The following MTBP variants were observed in gnomAD, a reference collection of about 807,000 sequenced individuals.
MTBP encodes mdm2-binding protein.
MTBP carries 101 observed loss-of-function variants against 117.0 expected under a neutral mutation model. The ratio of observed to expected loss-of-function variants is 0.86; its 90% CI spans 0.73 to 1.02. The LOEUF (loss-of-function observed/expected upper bound fraction) is 1.02. Ranked by LOEUF, MTBP falls within the 50% of genes least tolerant of loss-of-function variation. The pLI, the probability that MTBP is intolerant of heterozygous loss-of-function variation, is 0.00. For missense variants in MTBP, 970 were observed against 1,030.9 expected, an observed-to-expected ratio of 0.94 and a Z score of 0.81; for synonymous variants, 350 against 351.5, an observed-to-expected ratio of 1.00 and a Z score of 0.05.
chr8:120,481,807 TG>T (rs1362642517), intron 11 of MTBP, among the ~76,000 whole-genome samples: 1 of 152,216 alleles, frequency 6.6e-6, no homozygotes, highest in Non-Finnish European at 1.5e-5. Context: ...TAAAGGTTTT[TG>T]TTTTTTATAA....
At chr8:120,519,112 C>G (rs952022383) in intron 20 of MTBP, among the ~76,000 whole-genome samples, 2 of 151,026 alleles carry the variant, frequency 1.3e-5, no homozygotes, top group African/African-American at 4.9e-5. Context: ...ACAGTTGGCC[C>G]TCCATATCTG....
chr8:120,470,757 C>A, intron 10 of MTBP, 63 bp from the exon 11 acceptor site: 1 of 1,181,010 alleles, frequency 8.5e-7, no homozygotes, highest in Non-Finnish European at 1.2e-6. Flanking sequence ...AAATTGTCAA[C>A]TGGCACTATT....
rs1814951096 is a variant in MTBP at position 120,518,029 on chromosome 8, G to A, written c.2425G>A (p.Gly809Ser). ...AAAACTTGCTACAAAGACCAGTTCA[G>A]GTCAAAAAAGTATGCATGAATCAAA... is the stretch of plus-strand genomic sequence containing the variant. ...TPKLATKTSS[G>S]QKSMHESKTS... The change falls in exon 19 of 22, where the codon GGT (glycine) becomes AGT (serine). Residue 809 changes from glycine to serine, a missense_variant. By Grantham distance (56) the Gly-to-Ser change is moderately conservative. Transcript: ENST00000305949. The A allele has an allele frequency of 1.2e-6, 2 of 1,612,596 alleles. No individual in the cohort carries two copies. The highest frequency in any genetic ancestry group is 1.7e-6 in the Non-Finnish European group (2 of 1,179,086).
In MTBP at chr8:120,470,915, T is replaced by C. The variant is rs779707087; in HGVS notation, c.1143T>C (p.Ala381=). The change falls in exon 11 of 22, where the codon GCT becomes GCC. Residue 381 remains alanine, a synonymous_variant. Transcript: ENST00000305949. ...CAAGAAAATGGAAGGAATATATAGC[T>C]AAAAAGCCTAAAACAATCAGTGGTA... ...LSSRKWKEYI[A]KKPKTISVPD... is the part of the protein sequence containing the mutation. 1 of 1,600,716 alleles carries C rather than the reference T, an allele frequency of 6.2e-7. No individual in the cohort carries two copies. Among genetic ancestry groups the C allele is most frequent in the Non-Finnish European group, 8.6e-7 (1 of 1,168,682 alleles).
Position 120,518,063 on chromosome 8 carries a change from G to A in MTBP, c.2459G>A (p.Arg820Lys), listed in dbSNP as rs746003814. 3 of 1,612,362 alleles carry A rather than the reference G, an allele frequency of 1.9e-6. No individual in the cohort carries two copies. The highest frequency in any genetic ancestry group is 2.2e-5 in the East Asian group (1 of 44,822). Residue 820 changes from arginine to lysine, a missense_variant, in exon 19 of 22, where the codon AGG becomes AAG. Physicochemically the swap from Arg to Lys is conservative, Grantham distance 26. Transcript: ENST00000305949. ...AGTATGCATGAATCAAAAACATCAA[G>A]GCAAATTAAGGAATCAAGATCACAG... The part of the protein sequence containing the change: ...QKSMHESKTS[R>K]QIKESRSQKH...
At chr8:120,475,395 G>A (rs1474289299) in intron 11 of MTBP, among the ~76,000 whole-genome samples, 2 of 151,862 alleles carry the variant, frequency 1.3e-5, no homozygotes, top group African/African-American at 4.8e-5. Context: ...CTGTTCTCCA[G>A]ACAGATAAAG....
rs539004736 is a variant in MTBP at position 120,509,606 on chromosome 8, G to GC, written c.1884-321dup. Reference sequence around the variant, plus strand: ...GACAGAGTGAGACTCCGTCCCCACCGCCCCCCCAAAAAAAGAAAGAAATAA... The same window carrying GC: ...GACAGAGTGAGACTCCGTCCCCACCGCCCCCCCCAAAAAAAGAAAGAAATAA... On this transcript the variant is annotated intron_variant, in intron 16 of 21. Transcript: ENST00000305949. Among the ~76,000 whole-genome samples, 417 of 151,472 alleles carry GC rather than the reference G, an allele frequency of 2.8e-3. 2 individuals are homozygous for GC. The highest frequency in any genetic ancestry group is 4.2e-3 in the South Asian group (20 of 4,788).
At chr8:120,490,439 C>T (rs1461523425) in intron 12 of MTBP, 24 bp from the exon 13 acceptor site, 3 of 1,452,756 alleles carry the variant, frequency 2.1e-6, no homozygotes, top group Non-Finnish European at 2.9e-6. Context: ...TTAATGTTGA[C>T]CTTTTTTTTT....
At chr8:120,458,847 C>CAAA (rs5894523) in intron 7 of MTBP, among the ~76,000 whole-genome samples, 2 of 112,016 alleles carry the variant, frequency 1.8e-5, no homozygotes, top group African/African-American at 7.8e-5. Context: ...ATCTCAAAGC[C>CAAA]AAAAAAAAAA....
chr8:120,515,831 C>G (rs1018054432), intron 17 of MTBP, 94 bp from the exon 18 acceptor site: 1 of 1,180,402 alleles, frequency 8.5e-7, no homozygotes, highest in African/African-American at 1.5e-5. Flanking sequence ...AACAAGAACT[C>G]TTAAAGTAAA....
At chr8:120,466,413 G>T (rs1217742267) in intron 10 of MTBP, among the ~76,000 whole-genome samples, 1 of 150,882 alleles carries the variant, frequency 6.6e-6, no homozygotes, top group Non-Finnish European at 1.5e-5. Flanking sequence ...ACAGGGTTTC[G>T]TCATGTTGGC....
rs1369657531 is a variant in MTBP at position 120,488,334 on chromosome 8, T to G, written c.1339+2T>G. The G allele has an allele frequency of 2.6e-6, 4 of 1,535,168 alleles. No individual in the cohort carries two copies. On this transcript the variant is annotated splice_donor_variant, in intron 12 of 21. Coordinates refer to ENST00000305949, the MANE Select transcript of MTBP (RefSeq NM_022045.5). LOFTEE classifies it high-confidence loss of function. ...CAAAGACAGAAGAAGCCAAATTGAGTAAGTGTTAACTTCAGGTAGAAAAAC... is the reference window on the plus strand; with the variant it reads ...CAAAGACAGAAGAAGCCAAATTGAGGAAGTGTTAACTTCAGGTAGAAAAAC...
intron 17 of MTBP, among the ~76,000 whole-genome samples, chr8:120,515,487 A>G (rs951255086): frequency 2.0e-5 from 3 of 152,094 alleles, no homozygotes; most frequent in Non-Finnish European, 4.4e-5. Flanking sequence ...TTGGTGAGCC[A>G]GTTTAGAATG....
intron 2 of MTBP, among the ~76,000 whole-genome samples, chr8:120,447,010 C>T (rs1026101365): frequency 2.0e-5 from 3 of 152,086 alleles, no homozygotes; most frequent in Non-Finnish European, 4.4e-5. Context: ...TTTGACCAAC[C>T]GTACTTTGTA....
At chr8:120,510,159 C>T (rs1009467464) in intron 17 of MTBP, 130 bp downstream of exon 17, 53 of 546,446 alleles carry the variant, frequency 9.7e-5, no homozygotes, top group South Asian at 8.8e-4. Flanking sequence ...CCTCAAAAAG[C>T]AAAGTAGTGC....
intron 17 of MTBP, among the ~76,000 whole-genome samples, chr8:120,511,978 G>A (rs1276083207): frequency 6.6e-6 from 1 of 152,096 alleles, no homozygotes; most frequent in African/African-American, 2.4e-5. Flanking sequence ...TTACTTTCAT[G>A]TTTTTAAATA....
chr8:120,505,835 G>A (rs1814675159), intron 15 of MTBP, among the ~76,000 whole-genome samples: 1 of 152,010 alleles, frequency 6.6e-6, no homozygotes, highest in African/African-American at 2.4e-5. Flanking sequence ...AACTTTCTGT[G>A]AGTTTTTTTT....
intron 11 of MTBP, among the ~76,000 whole-genome samples, chr8:120,482,852 A>C (rs899343710): frequency 4.6e-5 from 7 of 151,930 alleles, no homozygotes; most frequent in Admixed American, 4.6e-4. Context: ...GGCACATGCC[A>C]CCACGCCCAG....
intron 10 of MTBP, among the ~76,000 whole-genome samples, chr8:120,466,019 T>G (rs1439691293): frequency 2.0e-5 from 3 of 152,164 alleles, no homozygotes; most frequent in Non-Finnish European, 4.4e-5. Context: ...TCATTTTTTC[T>G]TCTCAAACCA....
Sources: gnomAD v4.1 joint callset for allele counts (sites outside exome capture counted in the v4.1 genomes callset) on GRCh38, gnomAD v4.1.1 for gene constraint, MANE v1.5 for transcripts, NCBI Gene and HGNC (gene_info 2026-07-23, HGNC 2026-07-21) for gene names.